MAP3K4: variants seen among roughly 807,000 people sequenced by gnomAD.
The protein encoded by MAP3K4 is mitogen-activated protein kinase kinase kinase 4.
MAP3K4 carries 67 observed loss-of-function variants against 185.6 expected under a neutral mutation model. The ratio of observed to expected loss-of-function variants is 0.36; its 90% CI spans 0.30 to 0.44. The LOEUF is 0.44. Ranked by LOEUF, MAP3K4 falls within the 20% of genes least tolerant of loss-of-function variation. The probability of loss-of-function intolerance (pLI) is 1.00; values close to 1 mark genes in which losing one functional copy is unlikely to be tolerated. For missense variants in MAP3K4, 1,551 were observed against 1,995.1 expected (o/e 0.78, Z 4.24); for synonymous variants, 702 against 710.4 (o/e 0.99, Z 0.19).
chr6:160,992,833 A>G (rs979229876), intron 1 of MAP3K4, among the ~76,000 whole-genome samples: 1 of 151,822 alleles, frequency 6.6e-6, no homozygotes, highest in Non-Finnish European at 1.5e-5. Context: ...TTTTTAATTG[A>G]GAGAACAAAC....
rs1157774136 is a variant in MAP3K4 at position 161,037,235 on chromosome 6, A to G, written c.343+2786A>G. On this transcript the variant is annotated intron_variant, in intron 2 of 26. Coordinates refer to ENST00000392142, the MANE Select transcript of MAP3K4 (RefSeq NM_005922.4). The surrounding 1 kb of genome is among the most constrained non-coding windows in gnomAD (Gnocchi z 4.2). Reference sequence around the variant, plus strand: ...ATTTGTTCTCAGACTATTGCAGCACAGCATGGTGGACAAAAGCAGAATCTT... The same window carrying G: ...ATTTGTTCTCAGACTATTGCAGCACGGCATGGTGGACAAAAGCAGAATCTT... Among the ~76,000 whole-genome samples the G allele has an allele frequency of 6.6e-6, 1 of 152,226 alleles. No homozygotes were observed. Among genetic ancestry groups the G allele is most frequent in the Non-Finnish European group, 1.5e-5 (1 of 68,040 alleles).
rs1320754234 is a variant in MAP3K4 at position 161,067,970 on chromosome 6, G to A, written c.1708-2638G>A. On this transcript the variant is annotated intron_variant, in intron 3 of 26. Transcript: ENST00000392142. The surrounding 1 kb of genome is among the most constrained non-coding windows in gnomAD (Gnocchi z 6.3). ...TTGAGAACTAAGAGCTTGTTAACAA[G>A]GTTGATGACATCATATGTTCCATTC... Among the ~76,000 whole-genome samples the A allele has an allele frequency of 6.6e-6, 1 of 152,184 alleles. No homozygotes were observed. Among genetic ancestry groups the A allele is most frequent in the African/African-American group, 2.4e-5 (1 of 41,464 alleles).
intron 3 of MAP3K4, among the ~76,000 whole-genome samples, chr6:161,062,335 C>T (rs1583182448): frequency 6.6e-6 from 1 of 152,048 alleles, no homozygotes; most frequent in South Asian, 2.1e-4. Context: ...ATCATACAGC[C>T]GTGTATGACA....
Position 161,079,914 on chromosome 6 carries a change from C to CT in MAP3K4, c.2098-964dup, listed in dbSNP as rs551030865. On this transcript the variant is annotated intron_variant, in intron 5 of 26. Transcript: ENST00000392142. ...TTATTACTAGATCTCAGAAAAATAT[C>CT]TTTCCCAACAATGAAGTCTGAGATG... is the stretch of plus-strand genomic sequence containing the variant. Among the ~76,000 whole-genome samples the CT allele has an allele frequency of 1.1e-3, 173 of 152,302 alleles. 6 individuals are homozygous for CT. The South Asian group carries it at 0.035, about 30-fold the overall frequency.
intron 2 of MAP3K4, among the ~76,000 whole-genome samples, chr6:161,047,929 T>A (rs1300515294): frequency 6.6e-6 from 1 of 152,234 alleles, no homozygotes; most frequent in Non-Finnish European, 1.5e-5. Context: ...CATGGCAGTA[T>A]AACATACTAA....
rs1562494438 is a variant in MAP3K4, at chr6:161,034,319, C to A, written c.213C>A (p.Phe71Leu). The A allele has an allele frequency of 6.2e-7, 1 of 1,613,916 alleles. No individual in the cohort carries two copies. The highest frequency in any genetic ancestry group is 1.3e-5 in the African/African-American group (1 of 74,914). ...GTCCTGAATCTGATCTAGAAGACTT[C>A]TCCGATGAAACAAATACAGAGAATC... is the stretch of plus-strand genomic sequence containing the variant. ...CKSPESDLED[F>L]SDETNTENLY... The change falls in exon 2 of 27, where the codon TTC (phenylalanine) becomes TTA (leucine). Residue 71 changes from phenylalanine to leucine, a missense_variant. Transcript: ENST00000392142. The surrounding 1 kb of genome is among the most constrained non-coding windows in gnomAD (Gnocchi z 4.4).
chr6:160,992,512 C>T (rs934624167), intron 1 of MAP3K4, among the ~76,000 whole-genome samples: 2 of 152,200 alleles, frequency 1.3e-5, no homozygotes, highest in African/African-American at 2.4e-5. Context: ...AAATCGAGTG[C>T]GTACTGGCTA....
chr6:161,002,837 C>A (rs1026502359), intron 1 of MAP3K4, among the ~76,000 whole-genome samples: 1 of 152,026 alleles, frequency 6.6e-6, no homozygotes, highest in Non-Finnish European at 1.5e-5. Context: ...GTGATCCACC[C>A]GCCTCAGCCT....
chr6:161,063,784 C>T lies in MAP3K4; in HGVS notation c.1708-6824C>T, dbSNP rs1189253134. Among the ~76,000 whole-genome samples, 4 of 152,188 alleles carry T rather than the reference C, an allele frequency of 2.6e-5. No homozygotes were observed. Among genetic ancestry groups the T allele is most frequent in the Non-Finnish European group, 2.9e-5 (2 of 68,044 alleles). On this transcript the variant is annotated intron_variant, in intron 3 of 26. Coordinates refer to ENST00000392142, the MANE Select transcript of MAP3K4 (RefSeq NM_005922.4). The surrounding 1 kb of genome is among the most constrained non-coding windows in gnomAD (Gnocchi z 5.4). The stretch of plus-strand genomic sequence containing the variant: ...ATAGTGCCAAAATCATTCCTAATTT[C>T]ACAGAAGTTCTCTGTAGACTCTGTG...
Position 161,073,400 on chromosome 6 carries a change from G to T in MAP3K4, c.1951-66G>T. On this transcript the variant is annotated intron_variant, in intron 4 of 26. Coordinates refer to ENST00000392142, the MANE Select transcript of MAP3K4 (RefSeq NM_005922.4). The surrounding 1 kb of genome is among the most constrained non-coding windows in gnomAD (Gnocchi z 4.2). The stretch of plus-strand genomic sequence containing the variant: ...AGTTTTTTGAAGATTTAAGTAGGAA[G>T]ATATAAAACACGGATCGTCTGGTTG... 7.0e-7 allele frequency: 1 copy of T among 1,437,642 alleles called. No homozygotes were observed. Among genetic ancestry groups the T allele is most frequent in the Non-Finnish European group, 9.2e-7 (1 of 1,083,580 alleles). The allele number at this position is 1,437,642 out of a possible 1,614,324, so 89.1% of individuals were successfully genotyped here.
At chr6:161,047,117 CATATATATATATATAT>C (rs3050257) in intron 2 of MAP3K4, among the ~76,000 whole-genome samples, 3 of 135,008 alleles carry the variant, frequency 2.2e-5, no homozygotes, top group East Asian at 2.1e-4. Context: ...TTCACTTATG[CATATATATATATATAT>C]ATATATATAT....
chr6:161,049,740 A>G lies in MAP3K4; in HGVS notation c.1468A>G (p.Ile490Val), dbSNP rs1192071681. 2 of 1,614,146 alleles carry G rather than the reference A, an allele frequency of 1.2e-6. No homozygotes were observed. Among genetic ancestry groups the G allele is most frequent in the Non-Finnish European group, 1.7e-6 (2 of 1,180,022 alleles). The stretch of plus-strand genomic sequence containing the variant: ...CTTCGACATCCAGTCGCGGGACTGC[A>G]TATCCAAGAAGCTTGAGAGGCTCGA... ...NSFDIQSRDC[I>V]SKKLERLESE... Residue 490 changes from isoleucine (I) to valine (V), a missense_variant, in exon 3 of 27, where the codon ATA becomes GTA. Physicochemically the swap from Ile to Val is conservative, Grantham distance 29. Transcript: ENST00000392142. The surrounding 1 kb of genome is among the most constrained non-coding windows in gnomAD (Gnocchi z 8.4).
chr6:161,042,249 A>C (rs1003312528), intron 2 of MAP3K4, among the ~76,000 whole-genome samples: 1 of 152,206 alleles, frequency 6.6e-6, no homozygotes, highest in Non-Finnish European at 1.5e-5. Context: ...TGGCTGCTGC[A>C]TCTCATGGCC....
Position 161,053,616 on chromosome 6 carries a change from A to C in MAP3K4, c.1707+3637A>C, listed in dbSNP as rs1007333514. Among the ~76,000 whole-genome samples, 1 of 152,106 alleles carries C rather than the reference A, an allele frequency of 6.6e-6. No homozygotes were observed. Among genetic ancestry groups the C allele is most frequent in the Non-Finnish European group, 1.5e-5 (1 of 68,012 alleles). ...TGTTTGTTTGTTTGTTTTTGAGACA[A>C]AGTCTCATTCTGTTTCCTAGGCTGG... On this transcript the variant is annotated intron_variant, in intron 3 of 26. Transcript: ENST00000392142. The surrounding 1 kb of genome is among the most constrained non-coding windows in gnomAD (Gnocchi z 4.2).
At chr6:161,027,467 AG>A (rs1438850176) in intron 1 of MAP3K4, among the ~76,000 whole-genome samples, 1 of 152,238 alleles carries the variant, frequency 6.6e-6, no homozygotes. Context: ...GGTGTAAGAG[AG>A]AACTGTGAAA....
chr6:161,111,732 AT>A, intron 23 of MAP3K4, 103 bp from the exon 24 acceptor site: 1 of 1,108,958 alleles, frequency 9.0e-7, no homozygotes, highest in South Asian at 1.6e-5. Flanking sequence ...AAGCCTTTCG[AT>A]TGTTTAGCTT....
At chr6:161,072,696 G>T (rs1423914778) in intron 4 of MAP3K4, among the ~76,000 whole-genome samples, 1 of 152,122 alleles carries the variant, frequency 6.6e-6, no homozygotes, top group African/African-American at 2.4e-5. Flanking sequence ...GGCAGTGAAG[G>T]TTTGGCTAAC....
At position 161,106,764 on chromosome 6, in the gene MAP3K4, T is replaced by C. The variant is rs929343724; in HGVS notation, c.4048+59T>C. On this transcript the variant is annotated intron_variant, in intron 20 of 26. Coordinates refer to ENST00000392142, the MANE Select transcript of MAP3K4 (RefSeq NM_005922.4). The surrounding 1 kb of genome is among the most constrained non-coding windows in gnomAD (Gnocchi z 4.9). Reference sequence around the variant, plus strand: ...TCCCTGTTAGAAGTAGCAATAGTTATACTTCTTTAGGTTGAATCCTATAGA... The same window carrying C: ...TCCCTGTTAGAAGTAGCAATAGTTACACTTCTTTAGGTTGAATCCTATAGA... The C allele has an allele frequency of 1.2e-5, 17 of 1,407,372 alleles. 1 individual carries two copies. Among genetic ancestry groups the C allele is most frequent in the Non-Finnish European group, 1.6e-5 (16 of 1,025,582 alleles). 87.2% of individuals were successfully genotyped at this position (1,407,372 alleles called of 1,614,324 possible).
chr6:161,050,113 A>G, intron 3 of MAP3K4, 134 bp downstream of exon 3: 1 of 860,868 alleles, frequency 1.2e-6, no homozygotes, highest in Non-Finnish European at 1.8e-6. Flanking sequence ...TTGCACATTT[A>G]AGCATTTCTG....
Sources: gnomAD v4.1 joint callset for allele counts (sites outside exome capture counted in the v4.1 genomes callset) on GRCh38, gnomAD v4.1.1 for gene constraint, Gnocchi (gnomAD v3.1) non-coding constraint, MANE v1.5 for transcripts, NCBI Gene and HGNC (gene_info 2026-07-23, HGNC 2026-07-21) for gene names.